Variants in PDE1A observed in about 807,000 individuals in gnomAD.
The protein encoded by PDE1A is dual specificity calcium/calmodulin-dependent 3',5'-cyclic nucleotide phosphodiesterase 1A.
Under a neutral mutation model 61.7 loss-of-function variants are expected in PDE1A, and 35 were observed. The ratio of observed to expected loss-of-function variants is 0.57; its 90% CI spans 0.43 to 0.75. PDE1A has a LOEUF of 0.75. Ranked by LOEUF, PDE1A falls within the 30% of genes least tolerant of loss-of-function variation. The pLI, the probability that PDE1A is intolerant of heterozygous loss-of-function variation, is 0.00. For missense variants in PDE1A, 597 were observed against 630.6 expected (o/e 0.95, Z 0.57); for synonymous variants, 232 against 213.2 (o/e 1.09, Z -0.77).
the PDE1A span, among the ~76,000 whole-genome samples, chr2:182,704,923 T>C: frequency 6.6e-5 from 10 of 152,270 alleles, no homozygotes; most frequent in Non-Finnish European, 1.2e-4. Flanking sequence ...TCGTACTCTA[T>C]GGACTCCTGG....
At chr2:182,197,772 C>T (rs971722990) in intron 10 of PDE1A, among the ~76,000 whole-genome samples, 1 of 151,794 alleles carries the variant, frequency 6.6e-6, no homozygotes, top group Non-Finnish European at 1.5e-5. Flanking sequence ...TAGCCCTATG[C>T]CCTATGCCAA....
Position 182,468,736 on chromosome 2 carries a change from T to A in PDE1A, c.101+53540A>T, listed in dbSNP as rs185190315. On this transcript the variant is annotated intron_variant, in intron 2 of 14. Coordinates refer to the PDE1A transcript ENST00000410103. ...ACTATCTGTGGCAACTATAGCCTCATGAAATGTATTTCTTAAATAATAAGA... is the reference window on the plus strand; with the variant it reads ...ACTATCTGTGGCAACTATAGCCTCAAGAAATGTATTTCTTAAATAATAAGA... Among the ~76,000 whole-genome samples, 15 of 152,124 alleles carry A rather than the reference T, an allele frequency of 9.9e-5. No homozygotes were observed. The East Asian group carries it at 2.3e-3, about 24-fold the overall frequency.
At chr2:182,642,119 T>A in the PDE1A span, among the ~76,000 whole-genome samples, 1 of 152,254 alleles carries the variant, frequency 6.6e-6, no homozygotes, top group Non-Finnish European at 1.5e-5. Flanking sequence ...ACACATGATA[T>A]GGAATCCTGC....
chr2:182,702,175 C>T, the PDE1A span, among the ~76,000 whole-genome samples: 1 of 152,202 alleles, frequency 6.6e-6, no homozygotes, highest in African/African-American at 2.4e-5. Context: ...AGGCTCTTGA[C>T]TCACTGCAAC....
the PDE1A span, among the ~76,000 whole-genome samples, chr2:182,591,728 G>C: frequency 6.6e-6 from 1 of 152,164 alleles, no homozygotes; most frequent in Non-Finnish European, 1.5e-5. Context: ...TTTTGGGACA[G>C]GAGGTTGAGA....
chr2:182,506,655 G>A (rs916958133), intron 2 of PDE1A, among the ~76,000 whole-genome samples: 2 of 152,174 alleles, frequency 1.3e-5, no homozygotes, highest in Non-Finnish European at 2.9e-5. Context: ...ATACTGGAAT[G>A]GTTCAGATAA....
intron 2 of PDE1A, among the ~76,000 whole-genome samples, chr2:182,514,898 A>G (rs1690036860): frequency 6.6e-6 from 1 of 152,214 alleles, no homozygotes; most frequent in Non-Finnish European, 1.5e-5. Context: ...TTTGTTCTAT[A>G]GTTCTGCAGT....
At chr2:182,495,180 T>G (rs1018187560) in intron 2 of PDE1A, among the ~76,000 whole-genome samples, 3 of 152,186 alleles carry the variant, frequency 2.0e-5, no homozygotes, top group African/African-American at 7.2e-5. Context: ...TCTTTCTCCT[T>G]GCTGACAAAG....
intron 13 of PDE1A, among the ~76,000 whole-genome samples, chr2:182,185,197 A>C (rs1175098678): frequency 6.6e-6 from 1 of 152,192 alleles, no homozygotes; most frequent in African/African-American, 2.4e-5. Flanking sequence ...CCAAGAGGCC[A>C]TTGTGCAGGG....
At chr2:182,261,815 A>C (rs968785759) in intron 2 of PDE1A, among the ~76,000 whole-genome samples, 2 of 152,356 alleles carry the variant, frequency 1.3e-5, no homozygotes, top group African/African-American at 2.4e-5. Context: ...CAGACAGGAC[A>C]CTTAGGCAAA....
chr2:182,429,271 G>A (rs147561622), upstream of PDE1A, among the ~76,000 whole-genome samples: 15 of 151,976 alleles, frequency 9.9e-5, no homozygotes, highest in African/African-American at 3.6e-4. Context: ...AAAAAAGTTG[G>A]CTTTATCACC....
intron 13 of PDE1A, among the ~76,000 whole-genome samples, chr2:182,181,401 C>G (rs1420752946): frequency 6.6e-6 from 1 of 152,216 alleles, no homozygotes; most frequent in Non-Finnish European, 1.5e-5. Context: ...ACCCTGTCAC[C>G]TAGGTTTCAC....
At chr2:182,208,195 G>A (rs760122379) in intron 7 of PDE1A, among the ~76,000 whole-genome samples, 6 of 152,166 alleles carry the variant, frequency 3.9e-5, no homozygotes, top group Non-Finnish European at 7.3e-5. Flanking sequence ...TTTTCACAAT[G>A]TCATAAAGAT....
chr2:182,479,192 T>C (rs1170473481), intron 2 of PDE1A, among the ~76,000 whole-genome samples: 1 of 151,902 alleles, frequency 6.6e-6, no homozygotes. Context: ...GTTAGGATTT[T>C]CTTAGACAAA....
the PDE1A span, among the ~76,000 whole-genome samples, chr2:182,553,554 G>A: frequency 6.6e-6 from 1 of 152,168 alleles, no homozygotes; most frequent in East Asian, 1.9e-4. Flanking sequence ...TAAATAAAAT[G>A]TTGTCATTCT....
chr2:182,373,542 G>A (rs1004912212), intron 1 of PDE1A, among the ~76,000 whole-genome samples: 17 of 152,280 alleles, frequency 1.1e-4, no homozygotes, highest in African/African-American at 4.1e-4. Flanking sequence ...TTGTTTTAAA[G>A]TTCTCACACA....
At chr2:182,582,482 G>A in the PDE1A span, among the ~76,000 whole-genome samples, 1 of 152,108 alleles carries the variant, frequency 6.6e-6, no homozygotes, top group Non-Finnish European at 1.5e-5. Flanking sequence ...AATATCAAAG[G>A]CACTACAGAA....
At chr2:182,188,898 C>A in intron 11 of PDE1A, 81 bp downstream of exon 11, 2 of 855,832 alleles carry the variant, frequency 2.3e-6, no homozygotes, top group Non-Finnish European at 2.0e-6. Context: ...TGCAAGTTAC[C>A]CCTTTGAACA....
the PDE1A span, among the ~76,000 whole-genome samples, chr2:182,642,987 G>GA: frequency 6.6e-6 from 1 of 152,156 alleles, no homozygotes; most frequent in Non-Finnish European, 1.5e-5. Flanking sequence ...CCCAAGCATG[G>GA]AAAATCAGAG....
Sources: gnomAD v4.1 joint callset for allele counts (sites outside exome capture counted in the v4.1 genomes callset) on GRCh38, gnomAD v4.1.1 for gene constraint, MANE v1.5 for transcripts, NCBI Gene and HGNC (gene_info 2026-07-23, HGNC 2026-07-21) for gene names.